The following IQGAP3 variants were observed in gnomAD, a reference collection of about 807,000 sequenced individuals.
IQGAP3 encodes IQ motif containing GTPase activating protein 3.
Under a neutral mutation model 208.2 loss-of-function variants are expected in IQGAP3, and 165 were observed. The ratio of observed to expected loss-of-function variants is 0.79; its 90% CI spans 0.70 to 0.90. The LOEUF is 0.90. IQGAP3 is among the 40% of genes least tolerant of loss of function. The pLI, the probability that IQGAP3 is intolerant of heterozygous loss-of-function variation, is 0.00. For synonymous variants in IQGAP3, 703 were observed against 803.6 expected (o/e 0.87, Z 2.12); for missense variants, 1,811 against 2,043.1 (o/e 0.89, Z 2.19).
At chr1:156,555,173 T>A (rs1035409899) in intron 12 of IQGAP3, among the ~76,000 whole-genome samples, 2 of 152,188 alleles carry the variant, frequency 1.3e-5, no homozygotes, top group East Asian at 3.8e-4. Flanking sequence ...TTCCCTGCCC[T>A]GTCCTTCTTC....
chr1:156,561,783 C>T, intron 10 of IQGAP3, 55 bp downstream of exon 10: 1 of 1,556,476 alleles, frequency 6.4e-7, no homozygotes, highest in African/African-American at 1.4e-5. Context: ...GTAAGAGGCC[C>T]TCTCCTATCC....
chr1:156,563,595 C>G lies in IQGAP3; in HGVS notation c.577G>C (p.Gly193Arg). ...GLQLPAFSKI[G>R]GILANELSVD... ...GAGAGCTCATTGGCCAAGATGCCCC[C>G]GATCTTGCTGAAGGCAGGCAGCTGG... The change falls in exon 7 of 38, where the codon GGG becomes CGG. Residue 193 changes from glycine to arginine, a missense_variant. By Grantham distance (125) the Gly-to-Arg change is moderately radical. Transcript: ENST00000361170. The G allele has an allele frequency of 6.2e-7, 1 of 1,613,784 alleles. No individual in the cohort carries two copies. Among genetic ancestry groups the G allele is most frequent in the Non-Finnish European group, 8.5e-7 (1 of 1,179,910 alleles).
chr1:156,531,149 C>A lies in IQGAP3; in HGVS notation c.4191+11G>T, dbSNP rs146256375. 5.0e-6 allele frequency: 8 copies of A among 1,599,996 alleles called. No homozygotes were observed. The highest frequency in any genetic ancestry group is 3.3e-4 in the Middle Eastern group (2 of 6,050). On this transcript the variant is annotated intron_variant, in intron 33 of 37. Transcript: ENST00000361170. Reference sequence around the variant, plus strand: ...ATGAGACAGAACCTGTGGGCCAGCCCGGCTACTCACTTGCTCTCTGGAAGC... The same window carrying A: ...ATGAGACAGAACCTGTGGGCCAGCCAGGCTACTCACTTGCTCTCTGGAAGC...
intron 10 of IQGAP3, 53 bp from the exon 11 acceptor site, chr1:156,561,074 T>C: frequency 7.4e-7 from 1 of 1,355,392 alleles, no homozygotes; most frequent in Non-Finnish European, 1.1e-6. Context: ...GCCATGACCA[T>C]GCTTTACGAG....
chr1:156,556,432 C>T (rs1675822627), intron 12 of IQGAP3, 101 bp downstream of exon 12: 5 of 1,108,286 alleles, frequency 4.5e-6, no homozygotes, highest in Non-Finnish European at 6.7e-6. Context: ...CTCGTGCCAG[C>T]ATCTCATATC....
At chr1:156,568,262 T>G (rs1220544760) in intron 2 of IQGAP3, among the ~76,000 whole-genome samples, 1 of 152,234 alleles carries the variant, frequency 6.6e-6, no homozygotes, top group Non-Finnish European at 1.5e-5. Flanking sequence ...TCACCCAGGC[T>G]GGAGTGCAAT....
chr1:156,567,639 A>G (rs1676467724), intron 2 of IQGAP3, among the ~76,000 whole-genome samples: 1 of 152,240 alleles, frequency 6.6e-6, no homozygotes, highest in South Asian at 2.1e-4. Flanking sequence ...TTCCAAAAAG[A>G]GAGCCAGTTA....
intron 10 of IQGAP3, 23 bp from the exon 11 acceptor site, chr1:156,561,044 T>C (rs745671173): frequency 3.3e-5 from 51 of 1,555,344 alleles, no homozygotes; most frequent in Middle Eastern, 1.7e-4. Context: ...AGAGATACAG[T>C]AGAATGGAGT....
At chr1:156,529,985 T>G (rs1571308251) in intron 34 of IQGAP3, 120 bp downstream of exon 34, 11 of 653,018 alleles carry the variant, frequency 1.7e-5, no homozygotes, top group South Asian at 4.5e-5. Context: ...CTCTGGCTGG[T>G]GACAATTTTG....
chr1:156,559,198 G>A (rs913123606), intron 11 of IQGAP3, among the ~76,000 whole-genome samples: 32 of 152,188 alleles, frequency 2.1e-4, no homozygotes, highest in Admixed American at 6.5e-5. Context: ...CAGAGGGTGA[G>A]TTCCTAAGGT....
chr1:156,547,238 G>C (rs1428121150), intron 19 of IQGAP3, among the ~76,000 whole-genome samples: 1 of 152,174 alleles, frequency 6.6e-6, no homozygotes, highest in Non-Finnish European at 1.5e-5. Context: ...AATGGGAAGG[G>C]CTGGTAGGAG....
chr1:156,542,727 C>T (rs1486041097), intron 22 of IQGAP3, among the ~76,000 whole-genome samples: 1 of 152,042 alleles, frequency 6.6e-6, no homozygotes, highest in African/African-American at 2.4e-5. Context: ...ATCACTTGAG[C>T]CCAGGAGTTT....
Position 156,554,460 on chromosome 1 carries a change from T to G in IQGAP3, c.1291-68A>C, listed in dbSNP as rs1271210675. 2.0e-5 allele frequency: 29 copies of G among 1,453,334 alleles called. No homozygotes were observed. The South Asian group carries it at 4.1e-4, about 21-fold the overall frequency. The allele number at this position is 1,453,334 out of a possible 1,614,324, so 90.0% of individuals were successfully genotyped here. ...GGGTCTAAAGGCCTATTCACCATCC[T>G]GCCCCCAAGGTTCTTGAATATCCCA... is the stretch of plus-strand genomic sequence containing the variant. On this transcript the variant is annotated intron_variant, in intron 12 of 37. Transcript: ENST00000361170.
chr1:156,538,680 G>A, intron 26 of IQGAP3, 129 bp downstream of exon 26: 1 of 698,158 alleles, frequency 1.4e-6, no homozygotes, highest in Non-Finnish European at 2.5e-6. Flanking sequence ...TGTCATATTT[G>A]CATAGATCAG....
intron 24 of IQGAP3, 125 bp downstream of exon 24, chr1:156,539,713 G>T: frequency 8.0e-7 from 1 of 1,256,362 alleles, no homozygotes; most frequent in Non-Finnish European, 1.1e-6. Flanking sequence ...CTTTCCTGGG[G>T]ATAAGGAATT....
chr1:156,529,243 C>T (rs966590898), intron 34 of IQGAP3, among the ~76,000 whole-genome samples, 161 bp from the exon 35 acceptor site: 2 of 152,252 alleles, frequency 1.3e-5, no homozygotes, highest in African/African-American at 4.8e-5. Context: ...TATTCCAAAT[C>T]CTCAAGGCAT....
intron 9 of IQGAP3, 96 bp downstream of exon 9, chr1:156,562,491 G>C: frequency 2.0e-6 from 2 of 990,254 alleles, no homozygotes; most frequent in Non-Finnish European, 3.2e-6. Context: ...TGAGACCATA[G>C]GGCTTTCTGG....
intron 19 of IQGAP3, among the ~76,000 whole-genome samples, chr1:156,546,395 C>T (rs568096834): frequency 6.6e-6 from 1 of 152,302 alleles, no homozygotes; most frequent in African/African-American, 2.4e-5. Context: ...GTACTAGTGA[C>T]AAATGTTCCC....
chr1:156,569,311 G>T, intron 2 of IQGAP3, 65 bp downstream of exon 2: 1 of 1,026,336 alleles, frequency 9.7e-7, no homozygotes, highest in Non-Finnish European at 1.5e-6. Flanking sequence ...TTTAGCGGCA[G>T]ATGCCTAGGG....
Sources: gnomAD v4.1 joint callset for allele counts (sites outside exome capture counted in the v4.1 genomes callset) on GRCh38, gnomAD v4.1.1 for gene constraint, MANE v1.5 for transcripts, NCBI Gene and HGNC (gene_info 2026-07-23, HGNC 2026-07-21) for gene names.